The following XRCC4 variants were observed in gnomAD, a reference collection of about 807,000 sequenced individuals.
The protein encoded by XRCC4 is DNA repair protein XRCC4.
XRCC4 carries 28 observed loss-of-function variants against 39.1 expected under a neutral mutation model. That is an observed-to-expected ratio of 0.72 (90% CI 0.53 to 0.98). XRCC4 has a LOEUF of 0.98. Among genes scored for constraint, XRCC4 ranks in the 50% least tolerant of loss-of-function variants. The pLI, the probability that XRCC4 is intolerant of heterozygous loss-of-function variation, is 0.00. For missense variants in XRCC4, 350 were observed against 376.4 expected (o/e 0.93, Z 0.58); for synonymous variants, 123 against 126.4 (o/e 0.97, Z 0.18).
chr5:83,288,792 T>C (rs992682670), intron 7 of XRCC4, among the ~76,000 whole-genome samples: 1 of 151,870 alleles, frequency 6.6e-6, no homozygotes, highest in African/African-American at 2.4e-5. Flanking sequence ...TGGTGTTCTC[T>C]AGGCTTCCTG....
At chr5:83,101,834 A>G (rs1214871894) in intron 1 of XRCC4, among the ~76,000 whole-genome samples, 1 of 152,132 alleles carries the variant, frequency 6.6e-6, no homozygotes, top group Admixed American at 6.6e-5. Flanking sequence ...ATTCAACGTA[A>G]CCTTAACAAG....
intron 6 of XRCC4, among the ~76,000 whole-genome samples, chr5:83,231,945 T>C (rs1752511181): frequency 1.3e-5 from 2 of 152,074 alleles, no homozygotes; most frequent in Admixed American, 6.6e-5. Context: ...CCCTCTGCTA[T>C]TGGACTTTAT....
intron 7 of XRCC4, among the ~76,000 whole-genome samples, chr5:83,285,240 G>T (rs762526959): frequency 2.6e-4 from 40 of 152,136 alleles, no homozygotes; most frequent in Non-Finnish European, 5.4e-4. Flanking sequence ...AAATAAATGT[G>T]TAGAAGTTTA....
chr5:83,144,631 T>A (rs1275876757), intron 3 of XRCC4, among the ~76,000 whole-genome samples: 2 of 138,256 alleles, frequency 1.4e-5, no homozygotes, highest in East Asian at 4.3e-4. Flanking sequence ...ATTGGGAAAT[T>A]CTTGGCTATT....
At chr5:83,148,940 CTG>C (rs1748584779) in intron 3 of XRCC4, among the ~76,000 whole-genome samples, 1 of 152,028 alleles carries the variant, frequency 6.6e-6, no homozygotes, top group Non-Finnish European at 1.5e-5. Flanking sequence ...GTTTAACAAA[CTG>C]TAAGAATTTA....
At chr5:83,078,776 C>T (rs1312561086) in intron 1 of XRCC4, among the ~76,000 whole-genome samples, 1 of 152,088 alleles carries the variant, frequency 6.6e-6, no homozygotes, top group African/African-American at 2.4e-5. Context: ...TGGTCTGTTC[C>T]TTTAAGGAAT....
At chr5:83,313,251 A>AATACGT (rs1755767538) in intron 7 of XRCC4, among the ~76,000 whole-genome samples, 2 of 152,106 alleles carry the variant, frequency 1.3e-5, no homozygotes, top group African/African-American at 4.8e-5. Flanking sequence ...TATCCTTTAG[A>AATACGT]AAGCACTTTT....
intron 1 of XRCC4, among the ~76,000 whole-genome samples, chr5:83,083,167 CT>C (rs1745031067): frequency 6.6e-6 from 1 of 152,132 alleles, no homozygotes; most frequent in South Asian, 2.1e-4. Flanking sequence ...TACTTCAGCG[CT>C]TATCATTATT....
chr5:83,198,066 G>T (rs2112709290), intron 4 of XRCC4, among the ~76,000 whole-genome samples: 1 of 152,260 alleles, frequency 6.6e-6, no homozygotes, highest in Non-Finnish European at 1.5e-5. Context: ...TAAGGCAGTA[G>T]TTCTGATTAA....
intron 7 of XRCC4, among the ~76,000 whole-genome samples, chr5:83,343,801 C>T (rs1756833767): frequency 6.6e-6 from 1 of 152,166 alleles, no homozygotes; most frequent in African/African-American, 2.4e-5. Context: ...ATAGCAATGA[C>T]TGCTGTCTTG....
chr5:83,292,577 A>G (rs374414038), intron 7 of XRCC4, among the ~76,000 whole-genome samples: 1 of 151,976 alleles, frequency 6.6e-6, no homozygotes, highest in African/African-American at 2.4e-5. Flanking sequence ...GAGTAGTACT[A>G]TATTCCCCAA....
At chr5:83,265,511 T>C (rs1013883699) in intron 7 of XRCC4, among the ~76,000 whole-genome samples, 3 of 152,220 alleles carry the variant, frequency 2.0e-5, no homozygotes, top group Admixed American at 2.0e-4. Context: ...TTCCAGAGTA[T>C]ACTGATTATG....
intron 3 of XRCC4, among the ~76,000 whole-genome samples, chr5:83,149,135 A>G (rs1240214118): frequency 2.6e-5 from 4 of 152,164 alleles, no homozygotes; most frequent in African/African-American, 9.6e-5. Flanking sequence ...TTATATTTTC[A>G]TTTCCTAATG....
chr5:83,339,913 G>T (rs899427783), intron 7 of XRCC4, among the ~76,000 whole-genome samples: 51 of 152,210 alleles, frequency 3.4e-4, no homozygotes, highest in South Asian at 1.2e-3. Flanking sequence ...CTTCTGCCTT[G>T]GATTGATTGT....
chr5:83,374,415 A>T, the XRCC4 span, among the ~76,000 whole-genome samples: 1 of 152,180 alleles, frequency 6.6e-6, no homozygotes, highest in African/African-American at 2.4e-5. Flanking sequence ...CATGATTGTG[A>T]GGCCTCCTCG....
intron 6 of XRCC4, among the ~76,000 whole-genome samples, chr5:83,223,278 TATC>T (rs1752156908): frequency 6.6e-6 from 1 of 152,288 alleles, no homozygotes; most frequent in South Asian, 2.1e-4. Context: ...TCCCTATTAT[TATC>T]ATATTGTCAT....
In XRCC4 at chr5:83,322,421, G is replaced by A. The variant is rs183259224; in HGVS notation, c.894-30710G>A. Among the ~76,000 whole-genome samples the A allele has an allele frequency of 2.8e-3, 422 of 152,142 alleles. 1 individual carries two copies. Among genetic ancestry groups the A allele is most frequent in the Middle Eastern group, 0.024 (7 of 294 alleles). ...TACTCTGTGCCAGGCAATATGCTGT[G>A]GACTGAAGGTACCAACATGAATAAG... On this transcript the variant is annotated intron_variant, in intron 7 of 7. Transcript: ENST00000396027.
intron 6 of XRCC4, among the ~76,000 whole-genome samples, chr5:83,241,182 G>T (rs1377153318): frequency 2.7e-5 from 4 of 150,768 alleles, no homozygotes; most frequent in African/African-American, 4.9e-5. Context: ...GGTGGAGGTT[G>T]CAGTGAGCCC....
At chr5:83,217,358 C>CAAAAAAAAAAAAAAAAAAAAAAAAAA (rs59416363) in intron 6 of XRCC4, among the ~76,000 whole-genome samples, 13 of 96,142 alleles carry the variant, frequency 1.4e-4, no homozygotes, top group African/African-American at 5.6e-4. Context: ...GACTCCGTCT[C>CAAAAAAAAAAAAAAAAAAAAAAAAAA]AAAAAAAAAA....
Sources: gnomAD v4.1 joint callset for allele counts (sites outside exome capture counted in the v4.1 genomes callset) on GRCh38, gnomAD v4.1.1 for gene constraint, MANE v1.5 for transcripts, NCBI Gene and HGNC (gene_info 2026-07-23, HGNC 2026-07-21) for gene names.